Variants in ARHGAP26 observed in about 807,000 individuals in gnomAD.
ARHGAP26 encodes the protein rho GTPase-activating protein 26.
In ARHGAP26, 38 loss-of-function variants were observed where a neutral mutation model predicts 104.8. That is an observed-to-expected ratio of 0.36 (90% CI 0.28 to 0.48). ARHGAP26 has a LOEUF of 0.48. ARHGAP26 is among the 20% of genes least tolerant of loss of function. The probability of loss-of-function intolerance (pLI) is 0.99; values close to 1 mark genes in which losing one functional copy is unlikely to be tolerated. For synonymous variants in ARHGAP26, 341 were observed against 340.0 expected, an observed-to-expected ratio of 1.00 and a Z score of -0.03; for missense variants, 704 against 947.9, an observed-to-expected ratio of 0.74 and a Z score of 3.38.
intron 22 of ARHGAP26, among the ~76,000 whole-genome samples, chr5:143,215,707 C>T (rs1214863341): frequency 6.6e-6 from 1 of 152,218 alleles, no homozygotes; most frequent in East Asian, 1.9e-4. Context: ...ACATTTCATA[C>T]AAATGGAATT....
chr5:142,939,041 T>C (rs1271001802), intron 11 of ARHGAP26, among the ~76,000 whole-genome samples: 1 of 152,142 alleles, frequency 6.6e-6, no homozygotes, highest in Non-Finnish European at 1.5e-5. Context: ...AGGTCAAAAA[T>C]AGCCAGATAT....
intron 12 of ARHGAP26, among the ~76,000 whole-genome samples, chr5:143,019,186 C>T (rs1241515199): frequency 1.3e-5 from 2 of 152,062 alleles, no homozygotes; most frequent in African/African-American, 2.4e-5. Context: ...ATTTGTCAAA[C>T]TCTTACCTAG....
chr5:142,936,455 G>A (rs1179187971), intron 11 of ARHGAP26, among the ~76,000 whole-genome samples: 1 of 152,138 alleles, frequency 6.6e-6, no homozygotes. Flanking sequence ...TCTCCCCAAA[G>A]TGATTATAGG....
At chr5:143,203,953 G>GA (rs1188281023) in intron 20 of ARHGAP26, among the ~76,000 whole-genome samples, 1 of 151,924 alleles carries the variant, frequency 6.6e-6, no homozygotes, top group Non-Finnish European at 1.5e-5. Context: ...AGCATTAGGA[G>GA]AAATACCTAA....
intron 12 of ARHGAP26, among the ~76,000 whole-genome samples, chr5:143,017,670 C>A (rs1252131898): frequency 6.6e-6 from 1 of 152,162 alleles, no homozygotes; most frequent in African/African-American, 2.4e-5. Context: ...ATCATTGTGT[C>A]AGGAGCCATT....
chr5:143,191,903 A>G (rs551116645), intron 20 of ARHGAP26, among the ~76,000 whole-genome samples: 1 of 152,224 alleles, frequency 6.6e-6, no homozygotes, highest in Non-Finnish European at 1.5e-5. Context: ...AGCTGTCGTG[A>G]CAACACCAGA....
chr5:142,825,724 A>T (rs928972673), intron 1 of ARHGAP26, among the ~76,000 whole-genome samples: 4 of 152,252 alleles, frequency 2.6e-5, no homozygotes, highest in Admixed American at 1.3e-4. Flanking sequence ...GCAAGTAGTT[A>T]AGAGCCGATA....
At chr5:142,816,037 G>A (rs542634376) in intron 1 of ARHGAP26, among the ~76,000 whole-genome samples, 3 of 151,904 alleles carry the variant, frequency 2.0e-5, no homozygotes, top group Middle Eastern at 3.4e-3. Context: ...GGCTGAAGCC[G>A]TCCACCCGCC....
intron 11 of ARHGAP26, among the ~76,000 whole-genome samples, chr5:142,954,105 A>C (rs914635756): frequency 6.6e-6 from 1 of 152,210 alleles, no homozygotes; most frequent in African/African-American, 2.4e-5. Flanking sequence ...TTCTAACCCC[A>C]CAGCCCATCT....
chr5:143,165,171 C>G (rs1357104436), intron 20 of ARHGAP26: 1 of 152,244 alleles, frequency 6.6e-6, no homozygotes, highest in Admixed American at 6.5e-5. Context: ...TGGGGCTGGC[C>G]TGGTTGCATG....
At chr5:142,790,218 GT>G (rs1261489871) in intron 1 of ARHGAP26, among the ~76,000 whole-genome samples, 3 of 152,176 alleles carry the variant, frequency 2.0e-5, no homozygotes, top group Non-Finnish European at 4.4e-5. Context: ...GTGATGGATG[GT>G]AGAGGGTAGA....
intron 19 of ARHGAP26, among the ~76,000 whole-genome samples, chr5:143,143,753 C>G (rs983292872): frequency 4.4e-4 from 67 of 152,252 alleles, no homozygotes; most frequent in Non-Finnish European, 5.9e-5. Flanking sequence ...CTAATGGTGA[C>G]CTCACCTGCC....
chr5:143,159,243 C>A (rs1800895452), intron 20 of ARHGAP26, among the ~76,000 whole-genome samples: 1 of 152,190 alleles, frequency 6.6e-6, no homozygotes, highest in African/African-American at 2.4e-5. Flanking sequence ...ATTGGTGAAC[C>A]CAACAGGAAG....
chr5:142,950,239 C>T (rs772777654), intron 11 of ARHGAP26, among the ~76,000 whole-genome samples: 3 of 151,858 alleles, frequency 2.0e-5, no homozygotes, highest in Non-Finnish European at 2.9e-5. Flanking sequence ...AAGCTGAAGG[C>T]GGAGAGAGAG....
In ARHGAP26 at chr5:142,770,663, C is replaced by T. The variant is rs1446465721; in HGVS notation, c.-99C>T. 3.3e-6 allele frequency: 3 copies of T among 920,268 alleles called. No homozygotes were observed. Among genetic ancestry groups the T allele is most frequent in the Non-Finnish European group, 4.0e-6 (3 of 757,016 alleles). 57.0% of individuals were successfully genotyped at this position (920,268 alleles called of 1,614,324 possible). On this transcript the variant is annotated 5_prime_UTR_variant, in exon 1 of 23. Coordinates refer to ENST00000645722, the MANE Select transcript of ARHGAP26 (RefSeq NM_001135608.3). The stretch of plus-strand genomic sequence containing the variant: ...CCACACCTGTGGAGCCGGCGGCCGT[C>T]GGGGGAGCCGGCCGGGGTCCCGCCG...
chr5:142,849,419 A>G (rs1297038404), intron 1 of ARHGAP26, among the ~76,000 whole-genome samples: 2 of 152,208 alleles, frequency 1.3e-5, no homozygotes, highest in African/African-American at 2.4e-5. Context: ...GAAGGTGTGC[A>G]TACTTTCAAA....
At chr5:142,791,896 G>A (rs963794377) in intron 1 of ARHGAP26, among the ~76,000 whole-genome samples, 36 of 147,352 alleles carry the variant, frequency 2.4e-4, no homozygotes, top group African/African-American at 7.4e-4. Context: ...CCCGGGAGGC[G>A]GAGGTTGCAG....
chr5:142,833,634 G>A (rs1768963431), intron 1 of ARHGAP26, among the ~76,000 whole-genome samples: 1 of 152,164 alleles, frequency 6.6e-6, no homozygotes, highest in Non-Finnish European at 1.5e-5. Flanking sequence ...GGGCTTTGGG[G>A]ACATCCTACC....
intron 20 of ARHGAP26, among the ~76,000 whole-genome samples, chr5:143,175,681 T>C (rs1024365029): frequency 3.3e-5 from 5 of 152,202 alleles, no homozygotes; most frequent in Admixed American, 2.6e-4. Flanking sequence ...AATTATTGTT[T>C]GTTTAGTATT....
Sources: allele counts gnomAD v4.1 joint callset (sites outside exome capture counted in the v4.1 genomes callset), GRCh38; gene constraint gnomAD v4.1.1; transcripts MANE v1.5; gene names NCBI Gene and HGNC (gene_info 2026-07-23, HGNC 2026-07-21).